Variants in GLB1 observed in about 807,000 individuals in gnomAD.
The protein encoded by GLB1 is beta-galactosidase.
Under a neutral mutation model 74.0 loss-of-function variants are expected in GLB1, and 56 were observed. That is an observed-to-expected ratio of 0.76 (90% CI 0.61 to 0.94). The LOEUF (loss-of-function observed/expected upper bound fraction) is 0.94. Ranked by LOEUF, GLB1 falls within the 40% of genes least tolerant of loss-of-function variation. The pLI, the probability that GLB1 is intolerant of heterozygous loss-of-function variation, is 0.00. For synonymous variants in GLB1, 323 were observed against 323.6 expected, an observed-to-expected ratio of 1.00 and a Z score of 0.02; for missense variants, 787 against 845.5, an observed-to-expected ratio of 0.93 and a Z score of 0.86.
At chr3:33,078,424 A>C (rs4234234) in intron 1 of GLB1, among the ~76,000 whole-genome samples, 1 of 152,236 alleles carries the variant, frequency 6.6e-6, no homozygotes, top group Non-Finnish European at 1.5e-5. Flanking sequence ...TCAGCCTCAA[A>C]AAAAGTCGAA....
At chr3:32,996,346 G>T (rs982222791), downstream of GLB1, among the ~76,000 whole-genome samples, 11 of 152,136 alleles carry the variant, frequency 7.2e-5, no homozygotes, top group African/African-American at 2.4e-5. Context: ...TTCTTATGTT[G>T]AAACACACAA....
chr3:33,082,165 C>G (rs1700345442), intron 1 of GLB1, among the ~76,000 whole-genome samples: 1 of 152,236 alleles, frequency 6.6e-6, no homozygotes, highest in Non-Finnish European at 1.5e-5. Context: ...ACCAGGGAAC[C>G]TGAAATGCCA....
chr3:33,030,813 T>C, intron 10 of GLB1: 1 of 985,388 alleles, frequency 1.0e-6, no homozygotes, highest in Non-Finnish European at 1.2e-6. Flanking sequence ...ATGGAATCCC[T>C]ATAAAGAACA....
chr3:33,013,614 C>A (rs1697115242), intron 15 of GLB1, among the ~76,000 whole-genome samples: 1 of 152,124 alleles, frequency 6.6e-6, no homozygotes, highest in African/African-American at 2.4e-5. Context: ...AGTGGAGAAG[C>A]AGACAGCTTA....
intron 6 of GLB1, among the ~76,000 whole-genome samples, chr3:33,056,448 C>G (rs1041064352): frequency 6.6e-6 from 1 of 150,830 alleles, no homozygotes; most frequent in Non-Finnish European, 1.5e-5. Flanking sequence ...GGGTCTTGCT[C>G]TGTTGCCCAG....
At chr3:32,962,561 C>A in the GLB1 span, among the ~76,000 whole-genome samples, 1 of 151,776 alleles carries the variant, frequency 6.6e-6, no homozygotes, top group East Asian at 1.9e-4. Flanking sequence ...AATTGGAACA[C>A]CCAAGAGAAT....
intron 1 of GLB1, among the ~76,000 whole-genome samples, chr3:33,088,368 T>TACACACACACAC (rs55949952): frequency 1.4e-5 from 2 of 141,826 alleles, no homozygotes; most frequent in African/African-American, 2.6e-5. Flanking sequence ...CCCTAAAGAC[T>TACACACACACAC]ACACACACAC....
chr3:33,058,582 A>G (rs1699316997), intron 5 of GLB1, among the ~76,000 whole-genome samples: 1 of 152,216 alleles, frequency 6.6e-6, no homozygotes, highest in African/African-American at 2.4e-5. Flanking sequence ...ACATCACATA[A>G]ATAATACCTT....
In GLB1 at chr3:33,092,573, T is replaced by C. The variant is rs1700810839; in HGVS notation, c.75+4438A>G. The C allele has an allele frequency of 4.1e-6, 5 of 1,229,096 alleles. No homozygotes were observed. The East Asian group carries it at 9.9e-5, about 24-fold the overall frequency. The allele number at this position is 1,229,096 out of a possible 1,614,324, so 76.1% of individuals were successfully genotyped here. The stretch of plus-strand genomic sequence containing the variant: ...TCCCCATTCCACATCATCTGGAAAA[T>C]AGAGGGGAGTGCTAATATATGTGAC... On this transcript the variant is annotated intron_variant, in intron 1 of 15. Coordinates refer to ENST00000307363, the MANE Select transcript of GLB1 (RefSeq NM_000404.4).
At chr3:32,964,149 C>T in the GLB1 span, among the ~76,000 whole-genome samples, 1 of 152,174 alleles carries the variant, frequency 6.6e-6, no homozygotes, top group Non-Finnish European at 1.5e-5. Context: ...AACAGACTAT[C>T]ATTGGAGGCG....
At chr3:33,085,694 A>G (rs78279273) in intron 1 of GLB1, among the ~76,000 whole-genome samples, 1 of 145,572 alleles carries the variant, frequency 6.9e-6, no homozygotes, top group African/African-American at 2.5e-5. Context: ...GGGCTAGATT[A>G]AAAAAAAAAA....
chr3:33,013,276 A>G (rs1697102501), intron 15 of GLB1, among the ~76,000 whole-genome samples: 1 of 152,232 alleles, frequency 6.6e-6, no homozygotes, highest in Admixed American at 6.5e-5. Context: ...GGCAAAATGC[A>G]CCAATTATTA....
intron 1 of GLB1, among the ~76,000 whole-genome samples, chr3:33,087,044 TA>T (rs1315805193): frequency 2.7e-5 from 4 of 149,296 alleles, no homozygotes; most frequent in South Asian, 2.2e-4. Flanking sequence ...TAACTAGATT[TA>T]AAAAAAAGAA....
chr3:33,042,262 C>T (rs1698531575), intron 10 of GLB1, among the ~76,000 whole-genome samples: 2 of 152,022 alleles, frequency 1.3e-5, no homozygotes, highest in South Asian at 2.1e-4. Flanking sequence ...CTGCTCAACT[C>T]CTCAATGGAT....
At chr3:33,072,792 ACT>A in intron 1 of GLB1, 79 bp from the exon 2 acceptor site, 2 of 1,588,906 alleles carry the variant, frequency 1.3e-6, no homozygotes, top group Non-Finnish European at 1.7e-6. Flanking sequence ...GTAGCAAGTG[ACT>A]CTCTGCCTAT....
the GLB1 span, among the ~76,000 whole-genome samples, chr3:32,970,837 C>T: frequency 2.6e-5 from 4 of 152,158 alleles, no homozygotes; most frequent in Non-Finnish European, 5.9e-5. Context: ...TTACCCTAAG[C>T]TCTTACCCTA....
At chr3:32,998,870 G>A (rs943980670) in intron 15 of GLB1, among the ~76,000 whole-genome samples, 4 of 152,146 alleles carry the variant, frequency 2.6e-5, no homozygotes, top group South Asian at 2.1e-4. Context: ...CTTACGTTTG[G>A]GTATTTTTCA....
intron 10 of GLB1, among the ~76,000 whole-genome samples, chr3:33,026,667 A>G (rs1697773934): frequency 1.3e-5 from 2 of 152,284 alleles, no homozygotes; most frequent in South Asian, 2.1e-4. Flanking sequence ...ACTGAAGCCC[A>G]TAACAACTGC....
chr3:33,006,423 C>G lies in GLB1; in HGVS notation c.1734+7633G>C, dbSNP rs185143968. On this transcript the variant is annotated intron_variant, in intron 15 of 15. Transcript: ENST00000307363. ...TTCATCCCAAAACCATTTCCACCCC[C>G]CCACCCCTGACCACACAGTCCATGG... Among the ~76,000 whole-genome samples, 14 of 152,276 alleles carry G rather than the reference C, an allele frequency of 9.2e-5. No individual in the cohort carries two copies. The East Asian group carries it at 2.1e-3, about 23-fold the overall frequency.
Sources: allele counts gnomAD v4.1 joint callset (sites outside exome capture counted in the v4.1 genomes callset), GRCh38; gene constraint gnomAD v4.1.1; transcripts MANE v1.5; gene names NCBI Gene and HGNC (gene_info 2026-07-23, HGNC 2026-07-21).